FBXL7: variants seen among roughly 807,000 people sequenced by gnomAD.
FBXL7 encodes the protein F-box and leucine rich repeat protein 7, also known as F-box/LRR-repeat protein 7.
Under a neutral mutation model 38.3 loss-of-function variants are expected in FBXL7, and 12 were observed. The ratio of observed to expected loss-of-function variants is 0.31; its 90% CI spans 0.20 to 0.51. The LOEUF (loss-of-function observed/expected upper bound fraction) is 0.51. FBXL7 is among the 20% of genes least tolerant of loss of function. The pLI, the probability that FBXL7 is intolerant of heterozygous loss-of-function variation, is 0.98. For synonymous variants in FBXL7, 297 were observed against 300.9 expected, an observed-to-expected ratio of 0.99 and a Z score of 0.13; for missense variants, 567 against 676.4, an observed-to-expected ratio of 0.84 and a Z score of 1.79.
chr5:15,915,240 TC>T (rs1484758001), intron 2 of FBXL7, among the ~76,000 whole-genome samples: 4 of 152,232 alleles, frequency 2.6e-5, no homozygotes, highest in African/African-American at 9.6e-5. Flanking sequence ...TGTACTGGCT[TC>T]CTGGGCTGCT....
At chr5:15,826,412 C>G (rs1458416437) in intron 2 of FBXL7, among the ~76,000 whole-genome samples, 1 of 151,944 alleles carries the variant, frequency 6.6e-6, no homozygotes, top group Non-Finnish European at 1.5e-5. Context: ...AAGATAGCAG[C>G]AACATTTTCT....
At chr5:15,514,624 A>G (rs1181121839) in intron 1 of FBXL7, among the ~76,000 whole-genome samples, 3 of 152,102 alleles carry the variant, frequency 2.0e-5, no homozygotes, top group African/African-American at 7.2e-5. Flanking sequence ...ATTGTAATCC[A>G]TTTCTCTCTT....
rs201116946 is a variant in FBXL7, at chr5:15,572,419, A to G, written c.38-43564A>G. On this transcript the variant is annotated intron_variant, in intron 1 of 3. Coordinates refer to ENST00000504595, the MANE Select transcript of FBXL7 (RefSeq NM_012304.5). Reference sequence around the variant, plus strand: ...AAAAAAAAAAAAAAAAATCTTGTTCAGGGTTCTTGTCACATACTTTACAGA... The same window carrying G: ...AAAAAAAAAAAAAAAAATCTTGTTCGGGGTTCTTGTCACATACTTTACAGA... Among the ~76,000 whole-genome samples, 65 of 149,484 alleles carry G rather than the reference A, an allele frequency of 4.3e-4. No individual in the cohort carries two copies. In the East Asian group the frequency reaches 7.1e-3, roughly 16 times the overall value.
At chr5:15,929,046 G>A (rs990184910) in intron 3 of FBXL7, among the ~76,000 whole-genome samples, 7 of 152,114 alleles carry the variant, frequency 4.6e-5, no homozygotes, top group South Asian at 4.1e-4. Flanking sequence ...AACTATCCTC[G>A]CGCCCACCTG....
chr5:15,828,661 A>T (rs765229136), intron 2 of FBXL7, among the ~76,000 whole-genome samples: 4 of 152,168 alleles, frequency 2.6e-5, no homozygotes, highest in Admixed American at 6.5e-5. Context: ...ACTCTGGGAG[A>T]CCCAAAGATT....
chr5:15,865,236 C>T (rs1289204667), intron 2 of FBXL7, among the ~76,000 whole-genome samples: 1 of 152,152 alleles, frequency 6.6e-6, no homozygotes, highest in Non-Finnish European at 1.5e-5. Context: ...CCCTGACTGA[C>T]AGCTCCATCT....
intron 1 of FBXL7, among the ~76,000 whole-genome samples, chr5:15,550,340 G>A (rs1377453844): frequency 6.6e-6 from 1 of 152,170 alleles, no homozygotes; most frequent in Non-Finnish European, 1.5e-5. Flanking sequence ...TATTTAACAG[G>A]CTCAGGTAGC....
rs1742575002 is a variant in FBXL7, at chr5:15,674,091, A to G, written c.127+58019A>G. On this transcript the variant is annotated intron_variant, in intron 2 of 3. Transcript: ENST00000504595. ...AGAGCTCCACTACTTACCATGTGGT[A>G]TCAGGTGTCTTTTTGAACCAGCATT... is the stretch of plus-strand genomic sequence containing the variant. Among the ~76,000 whole-genome samples, 4 of 152,234 alleles carry G rather than the reference A, an allele frequency of 2.6e-5. No homozygotes were observed. In the South Asian group the frequency reaches 8.3e-4, roughly 31 times the overall value.
At chr5:15,867,891 G>A (rs1346645804) in intron 2 of FBXL7, among the ~76,000 whole-genome samples, 2 of 152,072 alleles carry the variant, frequency 1.3e-5, no homozygotes, top group South Asian at 2.1e-4. Context: ...GGATCACAAG[G>A]TCAAGAGATC....
chr5:15,685,039 CT>C (rs2126614811), intron 2 of FBXL7, among the ~76,000 whole-genome samples: 1 of 150,974 alleles, frequency 6.6e-6, no homozygotes, highest in Non-Finnish European at 1.5e-5. Flanking sequence ...TTTTTTTTTT[CT>C]GCTTGTGACA....
chr5:15,752,533 G>A lies in FBXL7; in HGVS notation c.127+136461G>A, dbSNP rs1009700835. On this transcript the variant is annotated intron_variant, in intron 2 of 3. Transcript: ENST00000504595. ...TTATTTTATTTTATTTTTATCCCAA[G>A]CCATTGGATTTCTCTGACCCACCAG... Among the ~76,000 whole-genome samples the A allele has an allele frequency of 5.3e-5, 8 of 152,064 alleles. No individual in the cohort carries two copies. The South Asian group carries it at 1.2e-3, about 24-fold the overall frequency.
chr5:15,646,814 G>T (rs57755609), intron 2 of FBXL7, among the ~76,000 whole-genome samples: 3,692 of 152,240 alleles, frequency 0.024, 74 homozygotes, highest in East Asian at 0.051. Flanking sequence ...TGACAGTCGC[G>T]TGGGGAGTAT....
chr5:15,879,967 A>T (rs962774382), intron 2 of FBXL7, among the ~76,000 whole-genome samples: 1 of 152,172 alleles, frequency 6.6e-6, no homozygotes, highest in Non-Finnish European at 1.5e-5. Flanking sequence ...TTAAGCAGAA[A>T]AAAAAAACTT....
intron 2 of FBXL7, among the ~76,000 whole-genome samples, chr5:15,769,184 G>A (rs969047704): frequency 2.0e-5 from 3 of 152,122 alleles, no homozygotes; most frequent in African/African-American, 4.8e-5. Flanking sequence ...GGGGGAGTGC[G>A]AGAAGACTGA....
chr5:15,869,090 G>A (rs116368647), intron 2 of FBXL7, among the ~76,000 whole-genome samples: 1 of 152,062 alleles, frequency 6.6e-6, no homozygotes, highest in Non-Finnish European at 1.5e-5. Flanking sequence ...GCTGGTTGGG[G>A]GTGAACTCAG....
At position 15,928,121 on chromosome 5, in the gene FBXL7, A is replaced by G. The variant is rs1327912667; in HGVS notation, c.359A>G (p.His120Arg). ...GCCAGCATAGACCGGCTCCCGGACC[A>G]CTCCATGGTGCAGATCTTCTCCTTC... is the stretch of plus-strand genomic sequence containing the variant. ...EQASIDRLPD[H>R]SMVQIFSFLP... The change falls in exon 3 of 4, where the codon CAC becomes CGC. Residue 120 changes from histidine to arginine, a missense_variant. Coordinates refer to ENST00000504595, the MANE Select transcript of FBXL7 (RefSeq NM_012304.5). This position sits in a 1 kb window ranked among gnomAD's most constrained non-coding sequence, Gnocchi z 4.0. 1.9e-6 allele frequency: 3 copies of G among 1,604,496 alleles called. No homozygotes were observed. Among genetic ancestry groups the G allele is most frequent in the Admixed American group, 3.4e-5 (2 of 59,020 alleles).
chr5:15,835,363 G>A (rs550558450), intron 2 of FBXL7, among the ~76,000 whole-genome samples: 3 of 151,954 alleles, frequency 2.0e-5, no homozygotes, highest in Non-Finnish European at 4.4e-5. Context: ...CCTTGAATGA[G>A]AAAAACAAAA....
intron 1 of FBXL7, among the ~76,000 whole-genome samples, chr5:15,610,072 G>C (rs541288401): frequency 3.3e-5 from 5 of 152,296 alleles, no homozygotes; most frequent in Admixed American, 1.3e-4. Flanking sequence ...AAAACCATCA[G>C]ATCTTGTGAG....
chr5:15,913,095 A>G (rs6878775), intron 2 of FBXL7, among the ~76,000 whole-genome samples: 88,752 of 151,992 alleles, frequency 0.58, 26,990 homozygotes, highest in East Asian at 0.69. Context: ...TTTTCCAAGC[A>G]TTTAAAAATG....
Sources: gnomAD v4.1 joint callset for allele counts (sites outside exome capture counted in the v4.1 genomes callset) on GRCh38, gnomAD v4.1.1 for gene constraint, Gnocchi (gnomAD v3.1) non-coding constraint, MANE v1.5 for transcripts, NCBI Gene and HGNC (gene_info 2026-07-23, HGNC 2026-07-21) for gene names.